CAST: variants seen among roughly 807,000 people sequenced by gnomAD.
The protein encoded by CAST is MIR583 host.
A neutral mutation model predicts 119.6 loss-of-function variants in CAST; 76 were observed. That is an observed-to-expected ratio of 0.64 (90% CI 0.53 to 0.77). CAST has a LOEUF of 0.77. Among genes scored for constraint, CAST ranks in the 30% least tolerant of loss-of-function variants. The probability of loss-of-function intolerance (pLI) is 0.00; values close to 1 mark genes in which losing one functional copy is unlikely to be tolerated. For missense variants in CAST, 953 were observed against 946.5 expected, an observed-to-expected ratio of 1.01 and a Z score of -0.09; for synonymous variants, 319 against 331.6, an observed-to-expected ratio of 0.96 and a Z score of 0.41.
In CAST at chr5:96,709,761, TA is replaced by T. The variant is rs199987703; in HGVS notation, c.211-12877del. Reference sequence around the variant, plus strand: ...TTTTTAGACTCCTGTTCTACAGAAATAGACATATATTATTTTCTGAAAATTT... The same window carrying T: ...TTTTTAGACTCCTGTTCTACAGAAATGACATATATTATTTTCTGAAAATTT... On this transcript the variant is annotated intron_variant, in intron 3 of 31. Transcript: ENST00000675179. Among the ~76,000 whole-genome samples the T allele has an allele frequency of 2.7e-3, 411 of 152,334 alleles. 9 individuals carry two copies. Among genetic ancestry groups the T allele is most frequent in the Admixed American group, 0.02 (307 of 15,302 alleles).
the CAST span, among the ~76,000 whole-genome samples, chr5:96,378,541 C>T: frequency 2.6e-5 from 4 of 151,976 alleles, no homozygotes; most frequent in African/African-American, 9.7e-5. Flanking sequence ...ACTAAAGAAA[C>T]AAACTCAAGA....
chr5:96,239,136 G>T, the CAST span, among the ~76,000 whole-genome samples: 1 of 151,700 alleles, frequency 6.6e-6, no homozygotes, highest in African/African-American at 2.4e-5. Flanking sequence ...CAACTTCATT[G>T]TTTTTAAAAT....
chr5:96,322,779 C>T, the CAST span, among the ~76,000 whole-genome samples: 4 of 152,116 alleles, frequency 2.6e-5, no homozygotes, highest in Non-Finnish European at 5.9e-5. Context: ...CTAAATAACC[C>T]CACATTGCCT....
chr5:96,429,665 T>C, the CAST span, among the ~76,000 whole-genome samples: 5 of 152,194 alleles, frequency 3.3e-5, no homozygotes, highest in Non-Finnish European at 7.3e-5. Context: ...ATTTACGTGT[T>C]CTCATCATTT....
At chr5:96,110,010 A>C in the CAST span, among the ~76,000 whole-genome samples, 2 of 152,198 alleles carry the variant, frequency 1.3e-5, no homozygotes, top group African/African-American at 4.8e-5. Flanking sequence ...AGTGAATGCA[A>C]GAAACTGTTA....
chr5:96,034,509 A>G, the CAST span, among the ~76,000 whole-genome samples: 24 of 131,768 alleles, frequency 1.8e-4, no homozygotes, highest in African/African-American at 5.3e-4. Flanking sequence ...ACACACACAT[A>G]TGTGTGTGTG....
At chr5:96,108,200 A>G in the CAST span, among the ~76,000 whole-genome samples, 1 of 152,242 alleles carries the variant, frequency 6.6e-6, no homozygotes, top group South Asian at 2.1e-4. Flanking sequence ...TAATTTGATC[A>G]TCTGAAGCCT....
chr5:96,065,735 G>A, the CAST span, among the ~76,000 whole-genome samples: 1 of 152,106 alleles, frequency 6.6e-6, no homozygotes, highest in Non-Finnish European at 1.5e-5. Context: ...CCCTCAGCCT[G>A]TTGCCAGAGA....
At chr5:96,644,010 C>G (rs1747986658) in intron 1 of CAST, among the ~76,000 whole-genome samples, 1 of 151,546 alleles carries the variant, frequency 6.6e-6, no homozygotes, top group Admixed American at 6.6e-5. Flanking sequence ...CATGCCACTG[C>G]ACTCCAGCCT....
chr5:96,683,171 G>A (rs1751654793), intron 2 of CAST, among the ~76,000 whole-genome samples: 2 of 152,232 alleles, frequency 1.3e-5, no homozygotes, highest in Admixed American at 6.5e-5. Flanking sequence ...TCTGTGTGGA[G>A]TATGAGCATT....
chr5:96,453,748 T>A, the CAST span, among the ~76,000 whole-genome samples: 4 of 152,244 alleles, frequency 2.6e-5, no homozygotes, highest in African/African-American at 9.6e-5. Flanking sequence ...AATGTTGATA[T>A]ATTGATCTAA....
At chr5:96,026,969 G>C in the CAST span, among the ~76,000 whole-genome samples, 6 of 152,104 alleles carry the variant, frequency 3.9e-5, no homozygotes, top group African/African-American at 1.4e-4. Context: ...AGCAACTCAG[G>C]AGACTGAGAA....
intron 1 of CAST, among the ~76,000 whole-genome samples, chr5:96,599,966 C>CAAAAAAAAAAA (rs74978713): frequency 0.011 from 532 of 46,978 alleles, 16 homozygotes; most frequent in East Asian, 0.077. Context: ...CTTCATTAGG[C>CAAAAAAAAAAA]AAAAAAAAAA....
At chr5:96,349,018 G>C in the CAST span, among the ~76,000 whole-genome samples, 1 of 151,978 alleles carries the variant, frequency 6.6e-6, no homozygotes, top group Non-Finnish European at 1.5e-5. Context: ...GGGAGTTTGG[G>C]AAGGACAGGG....
At position 96,743,863 on chromosome 5, in the gene CAST, G is replaced by T. The variant is rs549388766; in HGVS notation, c.1200+1107G>T. On this transcript the variant is annotated intron_variant, in intron 16 of 31. Coordinates refer to ENST00000675179, the MANE Select transcript of CAST (RefSeq NM_001750.7). The stretch of plus-strand genomic sequence containing the variant: ...GAAAGCGGGGTGTTGGCAGAATCCT[G>T]GGGGGAGTCAGGAGGCCAAGCTGAG... The T allele has an allele frequency of 5.6e-6, 4 of 709,014 alleles. No individual in the cohort carries two copies. In the African/African-American group the frequency reaches 7.4e-5, roughly 13 times the overall value. 43.9% of individuals were successfully genotyped at this position (709,014 alleles called of 1,614,324 possible).
At chr5:96,246,031 G>A in the CAST span, among the ~76,000 whole-genome samples, 1 of 151,982 alleles carries the variant, frequency 6.6e-6, no homozygotes, top group Admixed American at 6.6e-5. Flanking sequence ...GTTGAACTGA[G>A]AAGCCCAGGC....
chr5:96,245,258 T>C, the CAST span, among the ~76,000 whole-genome samples: 1 of 152,220 alleles, frequency 6.6e-6, no homozygotes, highest in African/African-American at 2.4e-5. Flanking sequence ...AATATATCAA[T>C]ACTGGCAGTA....
chr5:96,530,503 G>A (rs1745671842), intron 1 of CAST, among the ~76,000 whole-genome samples: 2 of 152,120 alleles, frequency 1.3e-5, no homozygotes, highest in Non-Finnish European at 2.9e-5. Flanking sequence ...CACAAATAAG[G>A]TCAGGGCAAT....
At chr5:96,609,765 G>A (rs1295802513) in intron 1 of CAST, among the ~76,000 whole-genome samples, 1 of 152,190 alleles carries the variant, frequency 6.6e-6, no homozygotes, top group African/African-American at 2.4e-5. Context: ...CAAAAAGGGG[G>A]AAGGAATGTC....
Sources: allele counts gnomAD v4.1 joint callset (sites outside exome capture counted in the v4.1 genomes callset), GRCh38; gene constraint gnomAD v4.1.1; transcripts MANE v1.5; gene names NCBI Gene and HGNC (gene_info 2026-07-23, HGNC 2026-07-21).